The following DCC variants were observed in gnomAD, a reference collection of about 807,000 sequenced individuals.
DCC encodes the protein netrin receptor DCC.
A neutral mutation model predicts 172.5 loss-of-function variants in DCC; 58 were observed. The observed-to-expected ratio is 0.34, with a 90% CI of 0.27 to 0.42. The LOEUF is 0.42. Among genes scored for constraint, DCC ranks in the 10% least tolerant of loss-of-function variants. The pLI is 1.00. For missense variants in DCC, 1,740 were observed against 1,791.0 expected, an observed-to-expected ratio of 0.97 and a Z score of 0.51; for synonymous variants, 709 against 644.5, an observed-to-expected ratio of 1.10 and a Z score of -1.52.
At chr18:53,511,818 G>A (rs182972386) in intron 27 of DCC, among the ~76,000 whole-genome samples, 282 of 152,002 alleles carry the variant, frequency 1.9e-3, no homozygotes, top group African/African-American at 6.5e-3. Context: ...CTACGCCCAC[G>A]GAGTCTCGCT....
intron 1 of DCC, among the ~76,000 whole-genome samples, chr18:52,623,932 G>C (rs78125757): frequency 0.014 from 2,074 of 152,236 alleles, 56 homozygotes; most frequent in African/African-American, 0.047. Context: ...AATACACAGG[G>C]AAAGAGGTTT....
intron 7 of DCC, among the ~76,000 whole-genome samples, chr18:53,100,861 A>T (rs2043162389): frequency 6.6e-6 from 1 of 152,122 alleles, no homozygotes; most frequent in Admixed American, 6.6e-5. Context: ...CTGTTTTAAG[A>T]TAGAGAGAGG....
At chr18:52,931,477 G>A (rs2040306053) in intron 5 of DCC, among the ~76,000 whole-genome samples, 1 of 152,014 alleles carries the variant, frequency 6.6e-6, no homozygotes. Flanking sequence ...TTAACTGTCT[G>A]TGAATGTGAA....
intron 1 of DCC, among the ~76,000 whole-genome samples, chr18:52,675,595 C>T (rs1430756529): frequency 3.3e-5 from 5 of 152,108 alleles, no homozygotes; most frequent in Non-Finnish European, 4.4e-5. Flanking sequence ...GTGTCATGGT[C>T]CATGGTCCCT....
At chr18:53,291,366 C>T (rs755256883) in intron 12 of DCC, among the ~76,000 whole-genome samples, 2 of 152,076 alleles carry the variant, frequency 1.3e-5, no homozygotes, top group African/African-American at 4.8e-5. Context: ...ATAAATGCAT[C>T]TTATCCTATA....
intron 1 of DCC, among the ~76,000 whole-genome samples, chr18:52,612,626 T>G (rs1466519683): frequency 6.6e-6 from 1 of 152,202 alleles, no homozygotes; most frequent in Non-Finnish European, 1.5e-5. Flanking sequence ...CACTCTGTCT[T>G]GCTCTCTGGA....
chr18:52,929,988 A>AT (rs747167275), intron 5 of DCC, among the ~76,000 whole-genome samples: 119 of 150,960 alleles, frequency 7.9e-4, no homozygotes, highest in Non-Finnish European at 1.3e-3. Flanking sequence ...TCCAGTTCTA[A>AT]TTTTTTTTTC....
rs547578220 is a variant in DCC at position 52,635,530 on chromosome 18, G to A, written c.92-116524G>A. Among the ~76,000 whole-genome samples, 12 of 152,098 alleles carry A rather than the reference G, an allele frequency of 7.9e-5. No homozygotes were observed. The South Asian group carries it at 1.2e-3, about 16-fold the overall frequency. On this transcript the variant is annotated intron_variant, in intron 1 of 28. Coordinates refer to ENST00000442544, the MANE Select transcript of DCC (RefSeq NM_005215.4). Reference sequence around the variant, plus strand: ...TATTATTTAAATTAGAAGGAAAAACGTATTTTTTTAAAGCAGAGACTTAAT... The same window carrying A: ...TATTATTTAAATTAGAAGGAAAAACATATTTTTTTAAAGCAGAGACTTAAT...
intron 13 of DCC, 139 bp downstream of exon 13, chr18:53,305,858 C>A: frequency 1.2e-6 from 1 of 805,154 alleles, no homozygotes; most frequent in Non-Finnish European, 2.1e-6. Context: ...GGAACAAGAA[C>A]AACCTTTATA....
chr18:52,340,886 G>A lies in DCC; in HGVS notation c.91+8G>A. ...CGCATCTTCAAGTAACCGGTAAGTG[G>A]CTCTTTCCTTTCTTCTCGTCGCACC... is the stretch of plus-strand genomic sequence containing the variant. On this transcript the variant is annotated splice_region_variant and intron_variant, in intron 1 of 28. Coordinates refer to ENST00000442544, the MANE Select transcript of DCC (RefSeq NM_005215.4). The A allele has an allele frequency of 6.2e-7, 1 of 1,604,636 alleles. No individual in the cohort carries two copies. Among genetic ancestry groups the A allele is most frequent in the East Asian group, 2.2e-5 (1 of 44,804 alleles).
At chr18:53,206,449 G>A (rs1203899668) in intron 10 of DCC, among the ~76,000 whole-genome samples, 3 of 118,084 alleles carry the variant, frequency 2.5e-5, no homozygotes, top group African/African-American at 9.5e-5. Context: ...ACATATATGT[G>A]TATATGTATG....
chr18:53,171,240 T>C (rs1402847331), intron 8 of DCC, among the ~76,000 whole-genome samples: 1 of 152,068 alleles, frequency 6.6e-6, no homozygotes, highest in Non-Finnish European at 1.5e-5. Flanking sequence ...TTCTGGAAAG[T>C]GGCACATAAA....
intron 15 of DCC, among the ~76,000 whole-genome samples, chr18:53,374,055 A>G (rs1341076737): frequency 3.3e-5 from 5 of 152,208 alleles, no homozygotes; most frequent in Non-Finnish European, 2.9e-5. Flanking sequence ...TGTAGCAACT[A>G]CAGCAATGCC....
At chr18:53,149,209 GA>G (rs2144372171) in intron 7 of DCC, among the ~76,000 whole-genome samples, 1 of 152,196 alleles carries the variant, frequency 6.6e-6, no homozygotes, top group South Asian at 2.1e-4. Context: ...CAGCCATTAA[GA>G]AACTGGACGA....
intron 1 of DCC, among the ~76,000 whole-genome samples, chr18:52,594,736 C>T (rs767905783): frequency 2.5e-4 from 38 of 152,140 alleles, no homozygotes; most frequent in African/African-American, 1.2e-4. Context: ...GGAGCAGGCA[C>T]ATCACATGGC....
chr18:53,089,386 G>A (rs545040206), intron 7 of DCC, among the ~76,000 whole-genome samples: 7 of 151,880 alleles, frequency 4.6e-5, no homozygotes, highest in East Asian at 3.9e-4. Flanking sequence ...GCACCCGGCC[G>A]TACTCATGTA....
intron 5 of DCC, among the ~76,000 whole-genome samples, chr18:53,054,545 AG>A (rs2042377888): frequency 6.6e-6 from 1 of 152,084 alleles, no homozygotes; most frequent in Non-Finnish European, 1.5e-5. Context: ...TTATTATCAC[AG>A]GCTTGAACCT....
chr18:52,345,645 G>A (rs541528370), intron 1 of DCC, among the ~76,000 whole-genome samples: 12 of 152,242 alleles, frequency 7.9e-5, no homozygotes, highest in Middle Eastern at 3.4e-3. Flanking sequence ...CTCCCTTGAC[G>A]CAGCCCAAGA....
chr18:53,034,558 AT>A (rs895484859), intron 5 of DCC, among the ~76,000 whole-genome samples: 1 of 151,850 alleles, frequency 6.6e-6, no homozygotes, highest in African/African-American at 2.4e-5. Context: ...TCAAACTACC[AT>A]TATGTCTCCC....
Sources: gnomAD v4.1 joint callset for allele counts (sites outside exome capture counted in the v4.1 genomes callset) on GRCh38, gnomAD v4.1.1 for gene constraint, MANE v1.5 for transcripts, NCBI Gene and HGNC (gene_info 2026-07-23, HGNC 2026-07-21) for gene names.